The following COX17 variants were observed in gnomAD, a reference collection of about 807,000 sequenced individuals.
COX17 encodes the protein cytochrome c oxidase copper chaperone COX17.
A neutral mutation model predicts 6.3 loss-of-function variants in COX17; 1 was observed. The observed-to-expected ratio is 0.16, with a 90% CI of 0.06 to 0.75. COX17 has a LOEUF of 0.75. Among genes scored for constraint, COX17 ranks in the 30% least tolerant of loss-of-function variants. The probability of loss-of-function intolerance (pLI) is 0.77; values close to 1 mark genes in which losing one functional copy is unlikely to be tolerated. For synonymous variants in COX17, 26 were observed against 30.5 expected, an observed-to-expected ratio of 0.85 and a Z score of 0.49; for missense variants, 73 against 81.2, an observed-to-expected ratio of 0.90 and a Z score of 0.39.
downstream of COX17, chr3:119,665,332 G>A (rs1177601703): frequency 2.6e-5 from 4 of 152,342 alleles, no homozygotes; most frequent in Admixed American, 6.5e-5. Flanking sequence ...GCCTAAGGAT[G>A]AGAAGGGTAA....
chr3:119,669,947 T>C (rs910784390), intron 2 of COX17, among the ~76,000 whole-genome samples: 3 of 152,188 alleles, frequency 2.0e-5, no homozygotes, highest in Non-Finnish European at 2.9e-5. Context: ...CATATGTGTG[T>C]GTTTGAGAAA....
downstream of COX17, among the ~76,000 whole-genome samples, chr3:119,665,533 C>T (rs1189716632): frequency 2.0e-5 from 3 of 152,064 alleles, no homozygotes; most frequent in Non-Finnish European, 2.9e-5. Context: ...ACCACCATGC[C>T]GAGCTAATGT....
At chr3:119,673,438 C>T (rs540541943) in intron 2 of COX17, among the ~76,000 whole-genome samples, 1 of 152,158 alleles carries the variant, frequency 6.6e-6, no homozygotes, top group Non-Finnish European at 1.5e-5. Flanking sequence ...TAGCCACTAG[C>T]CACATGTAGC....
At chr3:119,671,742 C>T (rs1221237504) in intron 2 of COX17, among the ~76,000 whole-genome samples, 3 of 152,194 alleles carry the variant, frequency 2.0e-5, no homozygotes, top group Non-Finnish European at 2.9e-5. Flanking sequence ...AAGTACAAGG[C>T]GTGAAGTGTA....
At chr3:119,669,046 G>A (rs2053018296), downstream of COX17, among the ~76,000 whole-genome samples, 1 of 151,828 alleles carries the variant, frequency 6.6e-6, no homozygotes, top group Non-Finnish European at 1.5e-5. Flanking sequence ...TACCCTGTAG[G>A]CACGAAACTT....
intron 2 of COX17, among the ~76,000 whole-genome samples, chr3:119,671,284 G>GGTAA (rs2053041473): frequency 6.6e-6 from 1 of 152,072 alleles, no homozygotes. Context: ...TGCACCTCTG[G>GGTAA]GTAAGAACCA....
In COX17 at chr3:119,677,361, C is replaced by A. The variant is rs746006976; in HGVS notation, c.-51G>T. 5.4e-6 allele frequency: 8 copies of A among 1,469,444 alleles called. No homozygotes were observed. Among genetic ancestry groups the A allele is most frequent in the Non-Finnish European group, 4.7e-6 (5 of 1,059,980 alleles). The allele number at this position is 1,469,444 out of a possible 1,614,324, so 91.0% of individuals were successfully genotyped here. On this transcript the variant is annotated 5_prime_UTR_variant, in exon 1 of 3. The change creates a new upstream start codon in the 5' untranslated region. Transcript: ENST00000261070. ...CGGAGACAGCCAAATCTATGCCAGC[C>A]TCGGCAAACGCCGATTCGTCCGCAG...
At chr3:119,674,982 T>C (rs985970278) in intron 2 of COX17, among the ~76,000 whole-genome samples, 163 bp downstream of exon 2, 3 of 152,234 alleles carry the variant, frequency 2.0e-5, no homozygotes, top group South Asian at 4.1e-4. Context: ...CTGTCTTTAC[T>C]GACATAATTT....
In COX17 at chr3:119,677,089, A is replaced by G. The variant is rs867156677; in HGVS notation, c.107+115T>C. ...GGGAAGGAAGAGGGCAGAGGGCAGA[A>G]GGCAGAGGGCAGAGGGCAGAAGGCA... On this transcript the variant is annotated intron_variant, in intron 1 of 2. Transcript: ENST00000261070. 6.8e-5 allele frequency: 39 copies of G among 576,432 alleles called. No homozygotes were observed. The Middle Eastern group carries it at 1.3e-3, about 20-fold the overall frequency. The allele number at this position is 576,432 out of a possible 1,614,324, so 35.7% of individuals were successfully genotyped here.
At chr3:119,677,053 T>A (rs902953556) in intron 1 of COX17, 151 bp downstream of exon 1, 29 of 339,466 alleles carry the variant, frequency 8.5e-5, no homozygotes, top group Admixed American at 2.8e-4. Flanking sequence ...GGAGGAGGAG[T>A]GGGGGAAGGG....
chr3:119,667,688 TACACACACACACACAC>T (rs58875404), downstream of COX17, among the ~76,000 whole-genome samples: 23 of 136,872 alleles, frequency 1.7e-4, 1 homozygote, highest in African/African-American at 4.5e-4. Flanking sequence ...GTAAAAGGTG[TACACACACACACACAC>T]ACACACACAC....
intron 2 of COX17, chr3:119,674,591 G>T (rs2053079571): frequency 6.5e-6 from 1 of 153,060 alleles, no homozygotes; most frequent in South Asian, 2.0e-4. Context: ...AGTCCAAGAG[G>T]TTGAGACCAG....
downstream of COX17, among the ~76,000 whole-genome samples, chr3:119,666,302 T>C (rs2052991837): frequency 6.6e-6 from 1 of 152,172 alleles, no homozygotes; most frequent in South Asian, 2.1e-4. Flanking sequence ...CGCTGGACTT[T>C]AACAAGCAAG....
chr3:119,676,805 A>C (rs1389661226), intron 1 of COX17: 3 of 701,352 alleles, frequency 4.3e-6, no homozygotes, highest in Non-Finnish European at 7.8e-6. Context: ...ATCTTTATCC[A>C]TGTCTACATC....
At chr3:119,664,441 C>A (rs2052975727) in intron 3 of COX17, among the ~76,000 whole-genome samples, 1 of 146,120 alleles carries the variant, frequency 6.8e-6, no homozygotes, top group Non-Finnish European at 1.5e-5. Flanking sequence ...TTTTCCCCAG[C>A]TAGAGGAGGG....
intron 2 of COX17, among the ~76,000 whole-genome samples, chr3:119,670,566 G>T (rs1182156846): frequency 6.6e-6 from 1 of 152,126 alleles, no homozygotes; most frequent in African/African-American, 2.4e-5. Context: ...GCTGTGTGGT[G>T]GAAGACCCTG....
rs534724994 is a variant in COX17 at position 119,677,097 on chromosome 3, G to A, written c.107+107C>T. 146 of 814,212 alleles carry A rather than the reference G, an allele frequency of 1.8e-4. 1 individual carries two copies. The African/African-American group carries it at 2.5e-3, about 14-fold the overall frequency. 50.4% of individuals were successfully genotyped at this position (814,212 alleles called of 1,614,324 possible). A position where few individuals can be genotyped will look rare whatever the true frequency, so the allele number is the denominator to read the frequency against. ...AGAGGGCAGAGGGCAGAAGGCAGAG[G>A]GCAGAGGGCAGAAGGCAGAGGGCAG... is the stretch of plus-strand genomic sequence containing the variant. On this transcript the variant is annotated intron_variant, in intron 1 of 2. Coordinates refer to ENST00000261070, the MANE Select transcript of COX17 (RefSeq NM_005694.2).
intron 2 of COX17, 82 bp downstream of exon 2, chr3:119,675,063 G>A: frequency 1.0e-6 from 1 of 977,138 alleles, no homozygotes; most frequent in Non-Finnish European, 1.6e-6. Flanking sequence ...GATTAACCAG[G>A]TGAACTACCT....
chr3:119,667,660 CA>C (rs71156763), downstream of COX17, among the ~76,000 whole-genome samples: 29,978 of 113,886 alleles, frequency 0.26, 3,273 homozygotes, highest in South Asian at 0.38. Flanking sequence ...TCAGAGTAGC[CA>C]AAAAAAAAAA....
Sources: gnomAD v4.1 joint callset for allele counts (sites outside exome capture counted in the v4.1 genomes callset) on GRCh38, gnomAD v4.1.1 for gene constraint, MANE v1.5 for transcripts, NCBI Gene and HGNC (gene_info 2026-07-23, HGNC 2026-07-21) for gene names.